The following PCDH11X variants were observed in gnomAD, a reference collection of about 807,000 sequenced individuals.
PCDH11X encodes protocadherin-11 X-linked.
PCDH11X carries 18 observed loss-of-function variants against 53.3 expected under a neutral mutation model. The observed-to-expected ratio is 0.34, with a 90% CI of 0.23 to 0.50. The LOEUF is 0.50. Among genes scored for constraint, PCDH11X ranks in the 20% least tolerant of loss-of-function variants. The pLI, the probability that PCDH11X is intolerant of heterozygous loss-of-function variation, is 0.98. For synonymous variants in PCDH11X, 279 were observed against 393.3 expected, an observed-to-expected ratio of 0.71 and a Z score of 3.44; for missense variants, 570 against 1,032.4, an observed-to-expected ratio of 0.55 and a Z score of 6.14.
At chrX:92,507,395 G>A (rs2074082815) in intron 10 of PCDH11X, among the ~76,000 whole-genome samples, 1 of 111,191 alleles carries the variant, frequency 9.0e-6, no homozygotes, top group Admixed American at 9.6e-5. Flanking sequence ...TGCTTTAATA[G>A]CTGTGTCCCA....
At chrX:92,165,726 A>G (rs2065721837) in intron 6 of PCDH11X, among the ~76,000 whole-genome samples, 1 of 112,022 alleles carries the variant, frequency 8.9e-6, no homozygotes. Flanking sequence ...TTGCTTTCAT[A>G]ATGTGTCTGT....
At chrX:92,217,166 A>G (rs1342793347) in intron 7 of PCDH11X, among the ~76,000 whole-genome samples, 11 of 111,087 alleles carry the variant, frequency 9.9e-5, no homozygotes, top group Non-Finnish European at 1.5e-4. Flanking sequence ...ATAACCAGCT[A>G]ACATCAAAAT....
chrX:92,310,457 C>T (rs947368247), intron 8 of PCDH11X, among the ~76,000 whole-genome samples: 6 of 111,025 alleles, frequency 5.4e-5, no homozygotes, highest in Non-Finnish European at 9.4e-5. Context: ...TGCCCAGGCT[C>T]GACTCACTGC....
chrX:92,249,652 T>C (rs945680167), intron 7 of PCDH11X, among the ~76,000 whole-genome samples: 1 of 112,309 alleles, frequency 8.9e-6, no homozygotes, highest in African/African-American at 3.2e-5. Flanking sequence ...GCTGGGAATT[T>C]GGCAGTAGCC....
chrX:92,207,556 G>A (rs1303773610), intron 7 of PCDH11X, among the ~76,000 whole-genome samples: 1 of 111,926 alleles, frequency 8.9e-6, no homozygotes, highest in Non-Finnish European at 1.9e-5. Context: ...CTACTAAGAT[G>A]CCATTCTAAT....
At chrX:91,955,419 T>C (rs1181525315) in intron 6 of PCDH11X, among the ~76,000 whole-genome samples, 1 of 110,778 alleles carries the variant, frequency 9.0e-6, no homozygotes, top group Non-Finnish European at 1.9e-5. Flanking sequence ...GAGCATTTAA[T>C]GCTATAAATT....
At chrX:91,921,410 A>C (rs1941734613) in intron 6 of PCDH11X, among the ~76,000 whole-genome samples, 1 of 109,584 alleles carries the variant, frequency 9.1e-6, no homozygotes, top group African/African-American at 3.3e-5. Flanking sequence ...CAATTATAGT[A>C]TCTATAGAGT....
At chrX:92,250,303 G>GTGAGGATAT (rs1198435714) in intron 7 of PCDH11X, among the ~76,000 whole-genome samples, 8 of 110,685 alleles carry the variant, frequency 7.2e-5, no homozygotes, top group Non-Finnish European at 1.5e-4. Flanking sequence ...TACCTTGTTG[G>GTGAGGATAT]TGAGGATATA....
chrX:92,132,669 GTATATGTATATATATA>G (rs2065011844), intron 6 of PCDH11X, among the ~76,000 whole-genome samples: 1 of 51,615 alleles, frequency 1.9e-5, no homozygotes, highest in Non-Finnish European at 3.0e-5. Context: ...ATATATATAT[GTATATGTATATATATA>G]TGTATATATA....
chrX:92,266,385 G>T (rs766483507), intron 8 of PCDH11X, among the ~76,000 whole-genome samples: 52 of 111,743 alleles, frequency 4.7e-4, no homozygotes, highest in Middle Eastern at 9.3e-3. Context: ...GTATCTAGAT[G>T]AATTCTTTAT....
intron 6 of PCDH11X, among the ~76,000 whole-genome samples, chrX:91,946,987 C>T (rs896272521): frequency 1.1e-4 from 11 of 104,522 alleles, no homozygotes; most frequent in African/African-American, 3.8e-4. Flanking sequence ...ACCTAATGCA[C>T]AGGAATCCCT....
chrX:91,895,549 A>G lies in PCDH11X; in HGVS notation c.3033+16276A>G, dbSNP rs770177467. On this transcript the variant is annotated intron_variant, in intron 6 of 10. Coordinates refer to ENST00000682573, the MANE Select transcript of PCDH11X (RefSeq NM_032968.5). Reference sequence around the variant, plus strand: ...CCTAGGATTGGTCCTTGCACAAGTTATCATTTCTGAAGGTTTCACATATTC... The same window carrying G: ...CCTAGGATTGGTCCTTGCACAAGTTGTCATTTCTGAAGGTTTCACATATTC... 4.5e-5 allele frequency among the ~76,000 whole-genome samples: 5 copies of G among 110,559 alleles called. No individual in the cohort carries two copies. In the South Asian group the frequency reaches 1.9e-3, roughly 42 times the overall value.
At chrX:92,392,791 G>A (rs376158848) in intron 9 of PCDH11X, among the ~76,000 whole-genome samples, 12 of 108,108 alleles carry the variant, frequency 1.1e-4, no homozygotes, top group Admixed American at 7.0e-4. Flanking sequence ...ATAAAGCCAT[G>A]GAAATATTTT....
chrX:92,234,908 GT>G (rs1226619615), intron 7 of PCDH11X, among the ~76,000 whole-genome samples: 1 of 110,660 alleles, frequency 9.0e-6, no homozygotes, highest in Non-Finnish European at 1.9e-5. Context: ...TCTCCCATGT[GT>G]TTTTTAATTG....
At chrX:92,181,049 C>T (rs963713532) in intron 6 of PCDH11X, among the ~76,000 whole-genome samples, 1 of 110,939 alleles carries the variant, frequency 9.0e-6, no homozygotes, top group Admixed American at 9.7e-5. Context: ...CAGAAGAAGA[C>T]AAGAAAATGT....
intron 10 of PCDH11X, among the ~76,000 whole-genome samples, chrX:92,555,736 G>A (rs2075036477): frequency 9.0e-6 from 1 of 110,928 alleles, no homozygotes; most frequent in South Asian, 3.8e-4. Flanking sequence ...GAAAGGTTCT[G>A]TCCTTCTCTG....
intron 8 of PCDH11X, among the ~76,000 whole-genome samples, chrX:92,381,212 T>G (rs1019807796): frequency 6.5e-5 from 7 of 107,663 alleles, no homozygotes; most frequent in African/African-American, 2.4e-4. Flanking sequence ...TGATTATCTA[T>G]GATGATTATA....
intron 7 of PCDH11X, among the ~76,000 whole-genome samples, chrX:92,233,742 G>A (rs891796456): frequency 1.8e-5 from 2 of 112,161 alleles, no homozygotes; most frequent in Non-Finnish European, 3.8e-5. Context: ...ACTAGCCACA[G>A]TAATTTTAAG....
chrX:92,469,282 T>C (rs1167888614), intron 10 of PCDH11X, among the ~76,000 whole-genome samples: 2 of 109,954 alleles, frequency 1.8e-5, no homozygotes, highest in Non-Finnish European at 3.8e-5. Context: ...CAATTTTTGG[T>C]ATTTTAAATG....
Sources: allele counts gnomAD v4.1 joint callset (sites outside exome capture counted in the v4.1 genomes callset), GRCh38; gene constraint gnomAD v4.1.1; transcripts MANE v1.5; gene names NCBI Gene and HGNC (gene_info 2026-07-23, HGNC 2026-07-21).